Variants in EPRS1 observed in about 807,000 individuals in gnomAD.
The protein encoded by EPRS1 is bifunctional glutamate/proline--tRNA ligase.
Under a neutral mutation model 188.3 loss-of-function variants are expected in EPRS1, and 107 were observed. That is an observed-to-expected ratio of 0.57 (90% CI 0.49 to 0.67). The LOEUF is 0.67. Ranked by LOEUF, EPRS1 falls within the 30% of genes least tolerant of loss-of-function variation. The probability of loss-of-function intolerance (pLI) is 0.00; values close to 1 mark genes in which losing one functional copy is unlikely to be tolerated. For missense variants in EPRS1, 1,577 were observed against 1,802.2 expected (o/e 0.88, Z 2.26); for synonymous variants, 596 against 593.1 (o/e 1.00, Z -0.07).
At chr1:219,994,061 G>A (rs902647487) in intron 18 of EPRS1, among the ~76,000 whole-genome samples, 2 of 152,108 alleles carry the variant, frequency 1.3e-5, no homozygotes, top group African/African-American at 2.4e-5. Flanking sequence ...AGTACAGCAG[G>A]TCCTTGAATA....
chr1:219,997,362 A>T lies in EPRS1; in HGVS notation c.2182-20T>A, dbSNP rs1204880892. The T allele has an allele frequency of 6.6e-7, 1 of 1,519,972 alleles. No homozygotes were observed. The highest frequency in any genetic ancestry group is 2.3e-5 in the East Asian group (1 of 43,812). The allele number at this position is 1,519,972 out of a possible 1,614,324, so 94.2% of individuals were successfully genotyped here. On this transcript the variant is annotated intron_variant, in intron 17 of 31. Coordinates refer to ENST00000366923, the MANE Select transcript of EPRS1 (RefSeq NM_004446.3). ...AGAGGTCTACCAAGAGAGAAAACCA[A>T]AAGTAAAATAATTAATTCATATTAA...
At chr1:220,035,058 A>G (rs1662152393) in intron 2 of EPRS1, 45 bp from the exon 3 acceptor site, 1 of 916,208 alleles carries the variant, frequency 1.1e-6, no homozygotes, top group African/African-American at 1.7e-5. Flanking sequence ...GCTCTAGCAA[A>G]TCAGTAAGTC....
chr1:219,971,844 CAA>C (rs1363376174), intron 30 of EPRS1, among the ~76,000 whole-genome samples: 5 of 102,826 alleles, frequency 4.9e-5, no homozygotes, highest in South Asian at 3.4e-4. Flanking sequence ...AAATATAAAA[CAA>C]AGACTATATA....
intron 18 of EPRS1, among the ~76,000 whole-genome samples, chr1:219,996,440 T>A (rs1251964918): frequency 6.6e-6 from 1 of 152,192 alleles, no homozygotes; most frequent in Non-Finnish European, 1.5e-5. Context: ...AGCATCTGCA[T>A]CACCTGAGAA....
Position 219,983,404 on chromosome 1 carries a change from T to C in EPRS1, c.3091-6A>G. The C allele has an allele frequency of 6.2e-7, 1 of 1,600,914 alleles. No homozygotes were observed. Among genetic ancestry groups the C allele is most frequent in the Admixed American group, 1.7e-5 (1 of 58,328 alleles). ...ATTTCTGACTTTGTGATGACCTTTT[T>C]AAAAGAAAAATAGTCTTTAAAGCTT... On this transcript the variant is annotated splice_region_variant and splice_polypyrimidine_tract_variant and intron_variant, in intron 21 of 31. Transcript: ENST00000366923.
chr1:220,044,713 A>AAAAAAAAC (rs1491467092), intron 1 of EPRS1, among the ~76,000 whole-genome samples: 2 of 127,772 alleles, frequency 1.6e-5, no homozygotes, highest in African/African-American at 5.5e-5. Flanking sequence ...AAAAAAAAAA[A>AAAAAAAAC]CAGTATCAGG....
At chr1:220,011,636 T>G (rs1661605971) in intron 12 of EPRS1, among the ~76,000 whole-genome samples, 1 of 152,352 alleles carries the variant, frequency 6.6e-6, no homozygotes, top group East Asian at 1.9e-4. Flanking sequence ...CAGTATATTC[T>G]CAGTATATTC....
chr1:220,022,396 G>C lies in EPRS1; in HGVS notation c.1066C>G (p.Leu356Val). The change falls in exon 9 of 32, where the codon CTT becomes GTT. Residue 356 changes from leucine to valine, a missense_variant. Around this residue, in one of 3 missense-constraint regions of EPRS1, gnomAD observed 1,278 missense variants for 1,457.4 expected, o/e 0.88. Transcript: ENST00000366923. ...SNNGCMRDPT[L>V]YRCKIQPHPR... ...TGTGGTTGAATTTTGCAGCGATAAA[G>C]GGTTGGATCTCTCATGCATCCATTG... 6 of 1,614,056 alleles carry C rather than the reference G, an allele frequency of 3.7e-6. No homozygotes were observed. The highest frequency in any genetic ancestry group is 5.1e-6 in the Non-Finnish European group (6 of 1,179,962).
At chr1:220,009,615 A>G (rs1661561153) in intron 13 of EPRS1, among the ~76,000 whole-genome samples, 1 of 151,986 alleles carries the variant, frequency 6.6e-6, no homozygotes, top group South Asian at 2.1e-4. Flanking sequence ...TGAGACCAAG[A>G]TAGAGGATGC....
intron 28 of EPRS1, among the ~76,000 whole-genome samples, chr1:219,975,656 C>T (rs1021769787): frequency 6.6e-6 from 1 of 152,014 alleles, no homozygotes; most frequent in Admixed American, 6.6e-5. Context: ...AGGCTGGTGG[C>T]GAAATCCTGA....
intron 9 of EPRS1, among the ~76,000 whole-genome samples, chr1:220,021,862 GTT>G (rs11323724): frequency 4.9e-4 from 73 of 148,992 alleles, no homozygotes; most frequent in South Asian, 4.5e-3. Context: ...ATAAAGTAGG[GTT>G]TTTTTTTTTG....
Position 219,978,657 on chromosome 1 carries a change from A to C in EPRS1, c.3972T>G (p.Ile1324Met), listed in dbSNP as rs144577435. Residue 1324 changes from isoleucine (I) to methionine (M), a missense_variant, in exon 28 of 32, where the codon ATT (isoleucine) becomes ATG (methionine). This residue lies in a region of EPRS1 where 296 missense variants were observed against 327.9 expected (regional missense o/e 0.90). Coordinates refer to ENST00000366923, the MANE Select transcript of EPRS1 (RefSeq NM_004446.3). ...ALSEEDKEAL[I>M]AKCNDYRRRL... ...GCCTTCGATAATCATTGCATTTTGC[A>C]ATCAGCGCTTCTTTGTCTTCTTCAG... 4.3e-4 allele frequency: 690 copies of C among 1,612,992 alleles called. 1 individual carries two copies. The highest frequency in any genetic ancestry group is 6.7e-4 in the Admixed American group (40 of 59,910).
chr1:220,007,392 A>T (rs988406041), intron 13 of EPRS1, 54 bp from the exon 14 acceptor site: 1 of 1,556,098 alleles, frequency 6.4e-7, no homozygotes, highest in African/African-American at 1.4e-5. Flanking sequence ...TATTGAACCC[A>T]GTATGCAAAT....
intron 6 of EPRS1, among the ~76,000 whole-genome samples, chr1:220,028,447 G>A (rs1662025805): frequency 8.5e-6 from 1 of 117,474 alleles, no homozygotes; most frequent in African/African-American, 3.6e-5. Flanking sequence ...TATCAGAATC[G>A]CTAAAACACA....
Position 220,020,870 on chromosome 1 carries a change from A to ATATATATATATATATATG in EPRS1, c.1116-650_1116-649insCATATATATATATATATA, listed in dbSNP as rs1219334636. Among the ~76,000 whole-genome samples the ATATATATATATATATATG allele has an allele frequency of 1.4e-3, 112 of 77,260 alleles. 8 individuals carry two copies. Among genetic ancestry groups the ATATATATATATATATATG allele is most frequent in the Non-Finnish European group, 2.2e-3 (87 of 39,652 alleles). 50.7% of individuals were successfully genotyped at this position (77,260 alleles called of 152,430 possible). A position where few individuals can be genotyped will look rare whatever the true frequency, so the allele number is the denominator to read the frequency against. ...TATATATATATATATATATATATAT[A>ATATATATATATATATATG]TTAGTGCATTATGCTTTCTTTCTTT... On this transcript the variant is annotated intron_variant, in intron 9 of 31. Coordinates refer to ENST00000366923, the MANE Select transcript of EPRS1 (RefSeq NM_004446.3).
chr1:220,043,611 C>A (rs1361043111), intron 1 of EPRS1, among the ~76,000 whole-genome samples: 1 of 152,066 alleles, frequency 6.6e-6, no homozygotes, highest in Non-Finnish European at 1.5e-5. Context: ...TTAGAATAAT[C>A]AGTAATGGGA....
At chr1:220,008,413 A>G (rs1347601156) in intron 13 of EPRS1, among the ~76,000 whole-genome samples, 1 of 152,120 alleles carries the variant, frequency 6.6e-6, no homozygotes, top group South Asian at 2.1e-4. Flanking sequence ...AAAAAAAAAA[A>G]GTAAGAAGAT....
intron 28 of EPRS1, among the ~76,000 whole-genome samples, chr1:219,974,805 T>A (rs138303734): frequency 1.6e-4 from 24 of 152,336 alleles, no homozygotes; most frequent in Non-Finnish European, 2.9e-4. Context: ...CTAAGTGCAA[T>A]GAGATTTACA....
At chr1:219,982,296 T>C (rs143741567) in intron 23 of EPRS1, among the ~76,000 whole-genome samples, 207 of 152,238 alleles carry the variant, frequency 1.4e-3, no homozygotes, top group South Asian at 4.3e-3. Flanking sequence ...ACCTGCAAAA[T>C]GGAAATCACA....
Sources: allele counts gnomAD v4.1 joint callset (sites outside exome capture counted in the v4.1 genomes callset), GRCh38; gene constraint gnomAD v4.1.1; regional missense constraint gnomAD v4.1.1; transcripts MANE v1.5; gene names NCBI Gene and HGNC (gene_info 2026-07-23, HGNC 2026-07-21).